Variants in GRIK2 observed in about 807,000 individuals in gnomAD.
GRIK2 encodes glutamate ionotropic receptor kainate type subunit 2.
GRIK2 carries 32 observed loss-of-function variants against 100.3 expected under a neutral mutation model. The ratio of observed to expected loss-of-function variants is 0.32; its 90% CI spans 0.24 to 0.43. The LOEUF (loss-of-function observed/expected upper bound fraction) is 0.43. Ranked by LOEUF, GRIK2 falls within the 20% of genes least tolerant of loss-of-function variation. GRIK2 has a pLI of 1.00. For synonymous variants in GRIK2, 417 were observed against 389.4 expected (o/e 1.07, Z -0.83); for missense variants, 843 against 1,114.9 (o/e 0.76, Z 3.47).
intron 2 of GRIK2, among the ~76,000 whole-genome samples, chr6:101,608,813 GTA>G (rs773072482): frequency 0.18 from 19,424 of 110,422 alleles, 1,324 homozygotes; most frequent in East Asian, 0.28. Flanking sequence ...GTGTGTGTGT[GTA>G]TGTATGTATG....
At chr6:101,987,212 A>G (rs1035308761) in intron 14 of GRIK2, among the ~76,000 whole-genome samples, 7 of 151,966 alleles carry the variant, frequency 4.6e-5, no homozygotes, top group African/African-American at 1.7e-4. Flanking sequence ...AGAGATGAAT[A>G]TTATCATTCC....
intron 7 of GRIK2, among the ~76,000 whole-genome samples, chr6:101,762,806 A>G (rs1777814621): frequency 6.6e-6 from 1 of 152,230 alleles, no homozygotes; most frequent in South Asian, 2.1e-4. Context: ...CAGGCAGGTC[A>G]GTTTCAGATA....
At chr6:101,781,535 A>C (rs571491813) in intron 7 of GRIK2, among the ~76,000 whole-genome samples, 1 of 152,178 alleles carries the variant, frequency 6.6e-6, no homozygotes, top group Non-Finnish European at 1.5e-5. Flanking sequence ...CTCCTGTAGT[A>C]GATACATACA....
intron 4 of GRIK2, among the ~76,000 whole-genome samples, chr6:101,628,568 T>C (rs887866935): frequency 1.3e-5 from 2 of 152,096 alleles, no homozygotes; most frequent in African/African-American, 4.8e-5. Flanking sequence ...GAATGATTTC[T>C]GTGAGTATGT....
intron 2 of GRIK2, among the ~76,000 whole-genome samples, chr6:101,488,996 A>G (rs1296454065): frequency 1.4e-5 from 2 of 146,702 alleles, no homozygotes; most frequent in African/African-American, 5.2e-5. Context: ...TCTGGTTAAA[A>G]TAGATTTAGC....
intron 14 of GRIK2, among the ~76,000 whole-genome samples, chr6:101,958,487 G>A (rs9404163): frequency 0.48 from 72,153 of 151,644 alleles, 17,294 homozygotes; most frequent in African/African-American, 0.53. Flanking sequence ...ATCATTTGAC[G>A]TCCTCTTTTC....
At chr6:101,484,812 A>G (rs999611610) in intron 2 of GRIK2, among the ~76,000 whole-genome samples, 24 of 152,236 alleles carry the variant, frequency 1.6e-4, no homozygotes, top group Admixed American at 1.6e-3. Context: ...ATGCTTAGGT[A>G]GATTATATAT....
chr6:101,880,558 G>A (rs191611945), intron 11 of GRIK2, among the ~76,000 whole-genome samples: 3 of 151,992 alleles, frequency 2.0e-5, no homozygotes, highest in Non-Finnish European at 2.9e-5. Context: ...TTTCACAGTC[G>A]AGAAAATAGA....
intron 2 of GRIK2, among the ~76,000 whole-genome samples, chr6:101,587,406 G>A (rs777914014): frequency 1.6e-4 from 24 of 151,932 alleles, no homozygotes; most frequent in South Asian, 1.0e-3. Flanking sequence ...CTGTCCCTCC[G>A]TCCATCCATC....
chr6:101,778,519 G>A (rs1429573576), intron 7 of GRIK2, among the ~76,000 whole-genome samples: 5 of 152,082 alleles, frequency 3.3e-5, no homozygotes, highest in Non-Finnish European at 5.9e-5. Flanking sequence ...AAATATAACC[G>A]TGCTTGGTAC....
intron 10 of GRIK2, among the ~76,000 whole-genome samples, chr6:101,836,661 A>ATTTTTTTTT (rs1194200766): frequency 3.3e-4 from 19 of 57,808 alleles, no homozygotes; most frequent in Admixed American, 6.6e-4. Flanking sequence ...ATATATATAT[A>ATTTTTTTTT]TTTTTTTTTT....
intron 14 of GRIK2, among the ~76,000 whole-genome samples, chr6:101,981,359 C>G (rs1056868235): frequency 6.6e-6 from 1 of 151,786 alleles, no homozygotes; most frequent in South Asian, 2.1e-4. Context: ...GATAAACCAG[C>G]TGAGATCCTT....
At chr6:102,029,167 G>A (rs1769856139) in intron 14 of GRIK2, among the ~76,000 whole-genome samples, 1 of 151,086 alleles carries the variant, frequency 6.6e-6, no homozygotes, top group Admixed American at 6.6e-5. Flanking sequence ...ACAGTGGCCA[G>A]AGGACCTTCA....
chr6:101,644,596 G>T (rs1402980684), intron 4 of GRIK2, among the ~76,000 whole-genome samples: 1 of 151,710 alleles, frequency 6.6e-6, no homozygotes, highest in Non-Finnish European at 1.5e-5. Flanking sequence ...GCATAAATAG[G>T]TTCCAAAGAA....
chr6:101,951,276 T>A (rs889871989), intron 14 of GRIK2, among the ~76,000 whole-genome samples: 2 of 152,214 alleles, frequency 1.3e-5, no homozygotes, highest in East Asian at 3.9e-4. Context: ...TTCTTTAACA[T>A]GATGGATAAA....
intron 2 of GRIK2, among the ~76,000 whole-genome samples, chr6:101,578,618 G>A (rs750037779): frequency 1.5e-4 from 23 of 151,456 alleles, no homozygotes; most frequent in Admixed American, 2.6e-4. Flanking sequence ...GTAGCCAGGA[G>A]GGGATAGAAC....
intron 2 of GRIK2, among the ~76,000 whole-genome samples, chr6:101,536,798 CT>C (rs1246175813): frequency 7.3e-5 from 11 of 151,618 alleles, no homozygotes; most frequent in African/African-American, 2.4e-5. Context: ...ACACATTCAG[CT>C]AGATTCTTCC....
At chr6:101,493,325 G>A (rs933889322) in intron 2 of GRIK2, among the ~76,000 whole-genome samples, 2 of 151,828 alleles carry the variant, frequency 1.3e-5, no homozygotes, top group Non-Finnish European at 2.9e-5. Flanking sequence ...AAACTGCACG[G>A]TATCAAGAAG....
At chr6:101,859,639 T>C in intron 11 of GRIK2, 146 bp downstream of exon 11, 1 of 616,866 alleles carries the variant, frequency 1.6e-6, no homozygotes, top group South Asian at 2.0e-5. Context: ...CTAGATAGTA[T>C]TTGTCACTAA....
Sources: allele counts gnomAD v4.1 joint callset (sites outside exome capture counted in the v4.1 genomes callset), GRCh38; gene constraint gnomAD v4.1.1; transcripts MANE v1.5; gene names NCBI Gene and HGNC (gene_info 2026-07-23, HGNC 2026-07-21).